LARGE1: variants seen among roughly 807,000 people sequenced by gnomAD.
LARGE1 encodes the protein xylosyl- and glucuronyltransferase LARGE1.
LARGE1 carries 43 observed loss-of-function variants against 87.6 expected under a neutral mutation model. The observed-to-expected ratio is 0.49, with a 90% CI of 0.38 to 0.63. The LOEUF is 0.63. LARGE1 is among the 30% of genes least tolerant of loss of function. LARGE1 has a pLI of 0.00. For missense variants in LARGE1, 802 were observed against 1,000.2 expected (o/e 0.80, Z 2.67); for synonymous variants, 434 against 394.6 (o/e 1.10, Z -1.18).
intron 11 of LARGE1, among the ~76,000 whole-genome samples, chr22:33,181,130 A>C (rs1237382956): frequency 6.6e-6 from 1 of 152,210 alleles, no homozygotes; most frequent in Non-Finnish European, 1.5e-5. Flanking sequence ...TAAATACATA[A>C]ACAGGAAAGA....
intron 11 of LARGE1, among the ~76,000 whole-genome samples, chr22:33,193,312 G>A (rs1220068602): frequency 1.3e-5 from 2 of 152,020 alleles, no homozygotes; most frequent in African/African-American, 4.8e-5. Flanking sequence ...GGAACGAATG[G>A]GCAGGAAACC....
chr22:33,206,919 G>A (rs1444378313), intron 11 of LARGE1, among the ~76,000 whole-genome samples: 4 of 152,190 alleles, frequency 2.6e-5, no homozygotes, highest in Non-Finnish European at 4.4e-5. Context: ...GTCCAGCCCA[G>A]TTAGTCCAGT....
intron 3 of LARGE1, among the ~76,000 whole-genome samples, chr22:33,639,942 C>A (rs1016392833): frequency 5.9e-5 from 9 of 152,214 alleles, no homozygotes; most frequent in Admixed American, 6.5e-5. Flanking sequence ...CTGATGAGGG[C>A]CCGTTGTTCC....
intron 12 of LARGE1, among the ~76,000 whole-genome samples, chr22:33,300,651 C>G (rs12159637): frequency 0.082 from 12,549 of 152,196 alleles, 1,734 homozygotes; most frequent in African/African-American, 0.29. Context: ...AAGCGATTCC[C>G]CTGCCTCAGC....
At chr22:33,233,287 T>A (rs141137675) in intron 11 of LARGE1, among the ~76,000 whole-genome samples, 1 of 152,036 alleles carries the variant, frequency 6.6e-6, no homozygotes, top group South Asian at 2.1e-4. Flanking sequence ...TTAGTGATGA[T>A]GATGATGATG....
At chr22:33,525,430 T>C (rs1393655603) in intron 6 of LARGE1, among the ~76,000 whole-genome samples, 1 of 152,194 alleles carries the variant, frequency 6.6e-6, no homozygotes, top group East Asian at 1.9e-4. Flanking sequence ...TGAAACAAGC[T>C]GAAAGCTGCA....
chr22:33,564,525 C>T (rs2077963477), intron 6 of LARGE1, among the ~76,000 whole-genome samples: 1 of 152,196 alleles, frequency 6.6e-6, no homozygotes, highest in African/African-American at 2.4e-5. Context: ...TTAGACTATC[C>T]TTCGATAAAA....
At chr22:33,661,154 C>T (rs1334485386) in intron 2 of LARGE1, among the ~76,000 whole-genome samples, 1 of 151,860 alleles carries the variant, frequency 6.6e-6, no homozygotes, top group Non-Finnish European at 1.5e-5. Flanking sequence ...TGAATCTATA[C>T]TTGCTGTAAG....
chr22:33,550,959 T>C (rs919766029), intron 6 of LARGE1, among the ~76,000 whole-genome samples: 1 of 152,112 alleles, frequency 6.6e-6, no homozygotes, highest in African/African-American at 2.4e-5. Flanking sequence ...GAAAGTCAAA[T>C]ATCACATGCT....
intron 3 of LARGE1, among the ~76,000 whole-genome samples, chr22:33,632,558 CA>C (rs130463): frequency 1 from 152,177 of 152,184 alleles, 76,085 homozygotes; most frequent in Middle Eastern, 1. Flanking sequence ...CCCAATCACA[CA>C]AGTTCCAGTC....
intron 2 of LARGE1, among the ~76,000 whole-genome samples, chr22:33,714,919 C>A (rs2082865837): frequency 1.3e-5 from 2 of 152,300 alleles, no homozygotes; most frequent in Middle Eastern, 6.8e-3. Context: ...CAAAGGCAGT[C>A]CCCTCTCATA....
intron 6 of LARGE1, among the ~76,000 whole-genome samples, chr22:33,528,030 C>T (rs901367980): frequency 8.1e-5 from 12 of 147,956 alleles, no homozygotes; most frequent in South Asian, 4.2e-4. Context: ...AAAGATTAAA[C>T]GAGAAAAAAA....
At chr22:33,297,045 A>C (rs1933382992) in intron 12 of LARGE1, among the ~76,000 whole-genome samples, 1 of 152,214 alleles carries the variant, frequency 6.6e-6, no homozygotes, top group African/African-American at 2.4e-5. Context: ...GATACAGCAG[A>C]GTTAAGACAA....
chr22:33,480,123 C>T (rs1008983162), intron 6 of LARGE1, among the ~76,000 whole-genome samples: 9 of 152,154 alleles, frequency 5.9e-5, no homozygotes, highest in African/African-American at 9.7e-5. Context: ...CCAGGAGCTA[C>T]TCAAAGCAAC....
intron 7 of LARGE1, among the ~76,000 whole-genome samples, chr22:33,417,902 T>A (rs776230102): frequency 4.3e-4 from 65 of 152,200 alleles, no homozygotes; most frequent in Admixed American, 6.5e-4. Context: ...CAAGTTTCTG[T>A]GACTTCCCCT....
intron 1 of LARGE1, among the ~76,000 whole-genome samples, chr22:33,915,073 C>T (rs1004274526): frequency 8.9e-5 from 13 of 146,534 alleles, no homozygotes; most frequent in Admixed American, 4.0e-4. Flanking sequence ...AGGCTTCTAA[C>T]TTTTATTCCC....
At chr22:33,483,531 G>C (rs1275935657) in intron 6 of LARGE1, among the ~76,000 whole-genome samples, 1 of 152,138 alleles carries the variant, frequency 6.6e-6, no homozygotes, top group Non-Finnish European at 1.5e-5. Flanking sequence ...GCAGTGAAGA[G>C]GCAGGTTAAA....
intron 11 of LARGE1, among the ~76,000 whole-genome samples, chr22:33,197,507 T>C (rs137433): frequency 0.56 from 85,368 of 151,346 alleles, 24,366 homozygotes; most frequent in Middle Eastern, 0.62. Flanking sequence ...AAATGGTAAA[T>C]GAAATTAAAA....
At chr22:33,693,600 G>A (rs1456184129) in intron 2 of LARGE1, among the ~76,000 whole-genome samples, 3 of 152,014 alleles carry the variant, frequency 2.0e-5, no homozygotes, top group East Asian at 1.9e-4. Flanking sequence ...CGAGGCGGGC[G>A]GATCACAAGG....
Sources: gnomAD v4.1 joint callset for allele counts (sites outside exome capture counted in the v4.1 genomes callset) on GRCh38, gnomAD v4.1.1 for gene constraint, MANE v1.5 for transcripts, NCBI Gene and HGNC (gene_info 2026-07-23, HGNC 2026-07-21) for gene names.